The following NBEA variants were observed in gnomAD, a reference collection of about 807,000 sequenced individuals.
The protein encoded by NBEA is neurobeachin.
In NBEA, 44 loss-of-function variants were observed where a neutral mutation model predicts 343.4. The ratio of observed to expected loss-of-function variants is 0.13; its 90% CI spans 0.10 to 0.16. The LOEUF is 0.16. NBEA is among the 10% of genes least tolerant of loss of function. The pLI is 1.00. For missense variants in NBEA, 2,555 were observed against 3,631.3 expected (o/e 0.70, Z 7.62); for synonymous variants, 1,175 against 1,238.7 (o/e 0.95, Z 1.08).
chr13:35,517,616 T>G (rs1034680341), intron 41 of NBEA, among the ~76,000 whole-genome samples: 2 of 152,208 alleles, frequency 1.3e-5, no homozygotes, highest in Non-Finnish European at 2.9e-5. Flanking sequence ...TCTCCATCTT[T>G]GGCAGATCAA....
chr13:35,030,840 A>G (rs1206656381), intron 1 of NBEA, among the ~76,000 whole-genome samples: 1 of 151,688 alleles, frequency 6.6e-6, no homozygotes, highest in Admixed American at 6.6e-5. Context: ...TAAATGATAC[A>G]TAGAAAGGGG....
intron 17 of NBEA, among the ~76,000 whole-genome samples, chr13:35,127,825 G>A (rs899919908): frequency 2.0e-5 from 3 of 152,026 alleles, no homozygotes; most frequent in Admixed American, 6.6e-5. Context: ...AACAATGTAT[G>A]TAATGGAACT....
At position 35,196,123 on chromosome 13, in the gene NBEA, A is replaced by C. The variant is rs1198384703; in HGVS notation, c.5187A>C (p.Ala1729=). The C allele has an allele frequency of 6.2e-7, 1 of 1,613,720 alleles. No individual in the cohort carries two copies. Among genetic ancestry groups the C allele is most frequent in the East Asian group, 2.2e-5 (1 of 44,764 alleles). ...TENPSETLKP[A]TSISSISQTK... is the part of the protein sequence containing the mutation. ...ATCCTAGTGAAACGTTGAAGCCTGC[A>C]ACATCCATATCTAGCATTAGTCAAA... Residue 1729 remains alanine (A), a synonymous_variant, in exon 31 of 59, where the codon GCA becomes GCC. Transcript: ENST00000379939.
At chr13:34,953,666 T>C (rs1034332062) in intron 1 of NBEA, among the ~76,000 whole-genome samples, 1 of 152,194 alleles carries the variant, frequency 6.6e-6, no homozygotes, top group African/African-American at 2.4e-5. Flanking sequence ...TATCCGTGAA[T>C]TCAGTTTGGA....
At chr13:35,323,584 G>T (rs1172185096) in intron 36 of NBEA, among the ~76,000 whole-genome samples, 1 of 127,228 alleles carries the variant, frequency 7.9e-6, no homozygotes, top group African/African-American at 2.9e-5. Flanking sequence ...GGGAGGGGGA[G>T]GGATAGCATT....
At chr13:35,101,244 T>A (rs897363901) in intron 11 of NBEA, among the ~76,000 whole-genome samples, 3 of 151,980 alleles carry the variant, frequency 2.0e-5, no homozygotes, top group African/African-American at 7.2e-5. Flanking sequence ...GGGTCCTATG[T>A]TTATTTGAGA....
At chr13:35,634,268 G>A (rs551012507) in intron 49 of NBEA, among the ~76,000 whole-genome samples, 33 of 152,224 alleles carry the variant, frequency 2.2e-4, no homozygotes, top group South Asian at 8.3e-4. Flanking sequence ...GTGTGAACCC[G>A]GGAGGCGCAG....
intron 1 of NBEA, among the ~76,000 whole-genome samples, chr13:34,983,724 TGAGA>T (rs2060444141): frequency 6.6e-6 from 1 of 152,222 alleles, no homozygotes; most frequent in Non-Finnish European, 1.5e-5. Flanking sequence ...CTAACTGGTG[TGAGA>T]TGGTATCTCA....
intron 45 of NBEA, among the ~76,000 whole-genome samples, chr13:35,576,837 CTT>C (rs2080766440): frequency 6.6e-6 from 1 of 152,084 alleles, no homozygotes; most frequent in South Asian, 2.1e-4. Flanking sequence ...TATTATAAAA[CTT>C]AATAATTTTT....
At chr13:35,261,119 C>T (rs1359086921) in intron 34 of NBEA, among the ~76,000 whole-genome samples, 1 of 152,110 alleles carries the variant, frequency 6.6e-6, no homozygotes, top group East Asian at 1.9e-4. Flanking sequence ...AAGCACATTA[C>T]TGAAAGGAAA....
chr13:35,257,991 T>G (rs1010156037), intron 34 of NBEA, among the ~76,000 whole-genome samples: 4 of 152,096 alleles, frequency 2.6e-5, no homozygotes, highest in Non-Finnish European at 5.9e-5. Flanking sequence ...TTACAAAAGA[T>G]TTTAATATTT....
At chr13:35,575,383 G>A (rs1459596609) in intron 45 of NBEA, among the ~76,000 whole-genome samples, 1 of 152,054 alleles carries the variant, frequency 6.6e-6, no homozygotes, top group Non-Finnish European at 1.5e-5. Context: ...GTCATTTAAA[G>A]CATTCTTATT....
chr13:35,399,221 C>G (rs534134225), intron 38 of NBEA, among the ~76,000 whole-genome samples: 1 of 152,204 alleles, frequency 6.6e-6, no homozygotes, highest in South Asian at 2.1e-4. Context: ...CTATCGAGGC[C>G]ACTCAAACTT....
At chr13:35,669,447 T>C (rs995836638) in intron 58 of NBEA, among the ~76,000 whole-genome samples, 6 of 152,168 alleles carry the variant, frequency 3.9e-5, no homozygotes, top group South Asian at 4.1e-4. Flanking sequence ...CTTCACAATA[T>C]AATAAAATGG....
intron 34 of NBEA, among the ~76,000 whole-genome samples, chr13:35,281,025 A>G (rs1265614379): frequency 6.6e-6 from 1 of 152,080 alleles, no homozygotes; most frequent in Non-Finnish European, 1.5e-5. Flanking sequence ...GGTATGTAAT[A>G]TAGAACTTGA....
At position 35,251,448 on chromosome 13, in the gene NBEA, C is replaced by G. The variant is rs993045459; in HGVS notation, c.5776+18829C>G. The G allele has an allele frequency of 2.8e-6, 3 of 1,058,196 alleles. No homozygotes were observed. In the African/African-American group the frequency reaches 5.1e-5, roughly 18 times the overall value. 65.6% of individuals were successfully genotyped at this position (1,058,196 alleles called of 1,614,324 possible). A position where few individuals can be genotyped will look rare whatever the true frequency, so the allele number is the denominator to read the frequency against. ...GGTGGCTCACTTTGATGCTGGAGAACTTATCACTCAGAGAGAGCTGTTCCC... is the reference window on the plus strand; with the variant it reads ...GGTGGCTCACTTTGATGCTGGAGAAGTTATCACTCAGAGAGAGCTGTTCCC... On this transcript the variant is annotated intron_variant, in intron 34 of 58. Coordinates refer to ENST00000379939, the MANE Select transcript of NBEA (RefSeq NM_001385012.1).
intron 36 of NBEA, among the ~76,000 whole-genome samples, chr13:35,318,344 A>G (rs761975338): frequency 2.0e-5 from 3 of 152,180 alleles, no homozygotes; most frequent in African/African-American, 4.8e-5. Flanking sequence ...TCTTTTTGAC[A>G]TCTATTGAGA....
intron 38 of NBEA, among the ~76,000 whole-genome samples, chr13:35,372,304 T>C (rs1020023305): frequency 2.0e-5 from 3 of 152,104 alleles, no homozygotes; most frequent in African/African-American, 4.8e-5. Flanking sequence ...GCAGATGGTA[T>C]ATTGGAATGG....
chr13:34,957,403 TG>T (rs2059532727), intron 1 of NBEA, among the ~76,000 whole-genome samples: 1 of 152,210 alleles, frequency 6.6e-6, no homozygotes, highest in East Asian at 1.9e-4. Flanking sequence ...GTATAATTTT[TG>T]TTTTGTCACC....
Sources: gnomAD v4.1 joint callset for allele counts (sites outside exome capture counted in the v4.1 genomes callset) on GRCh38, gnomAD v4.1.1 for gene constraint, MANE v1.5 for transcripts, NCBI Gene and HGNC (gene_info 2026-07-23, HGNC 2026-07-21) for gene names.